HDAC9: variants seen among roughly 807,000 people sequenced by gnomAD.
The protein encoded by HDAC9 is histone deacetylase 9, also known as MEF-2 interacting transcription repressor (MITR) protein.
A neutral mutation model predicts 139.4 loss-of-function variants in HDAC9; 41 were observed. That is an observed-to-expected ratio of 0.29 (90% CI 0.23 to 0.38). The LOEUF (loss-of-function observed/expected upper bound fraction) is 0.38. Among genes scored for constraint, HDAC9 ranks in the 10% least tolerant of loss-of-function variants. The pLI is 1.00. For synonymous variants in HDAC9, 517 were observed against 476.2 expected (o/e 1.09, Z -1.12); for missense variants, 1,147 against 1,297.0 (o/e 0.88, Z 1.78).
At chr7:18,568,026 G>GTA (rs36203178) in intron 2 of HDAC9, among the ~76,000 whole-genome samples, 3,042 of 126,746 alleles carry the variant, frequency 0.024, 81 homozygotes, top group Middle Eastern at 0.041. Context: ...ATATGTATAT[G>GTA]TATATATATA....
intron 2 of HDAC9, among the ~76,000 whole-genome samples, chr7:18,189,405 G>A (rs1790166380): frequency 6.6e-6 from 1 of 152,020 alleles, no homozygotes; most frequent in African/African-American, 2.4e-5. Flanking sequence ...AACCACCATG[G>A]CACATATATA....
intron 2 of HDAC9, among the ~76,000 whole-genome samples, chr7:18,518,519 C>G (rs1029205691): frequency 2.6e-5 from 4 of 152,118 alleles, no homozygotes; most frequent in Non-Finnish European, 1.5e-5. Context: ...GACTAAAAGG[C>G]ATAGATTACA....
intron 16 of HDAC9, 65 bp downstream of exon 16, chr7:18,767,220 T>G (rs1002528709): frequency 7.5e-6 from 7 of 934,772 alleles, no homozygotes; most frequent in Non-Finnish European, 1.1e-5. Flanking sequence ...CTTTTTTGAT[T>G]TATCTATTCA....
At chr7:18,858,573 A>G (rs1014382396) in intron 21 of HDAC9, among the ~76,000 whole-genome samples, 9 of 152,206 alleles carry the variant, frequency 5.9e-5, no homozygotes, top group African/African-American at 1.9e-4. Flanking sequence ...TGGGGACACC[A>G]AAGTAACCAA....
intron 22 of HDAC9, among the ~76,000 whole-genome samples, chr7:18,911,770 G>A (rs1323221524): frequency 6.6e-6 from 1 of 151,782 alleles, no homozygotes; most frequent in Non-Finnish European, 1.5e-5. Context: ...TTATTCAGGA[G>A]CATGTTGTTT....
At chr7:18,620,071 T>TG (rs1220180517) in intron 6 of HDAC9, among the ~76,000 whole-genome samples, 1 of 152,174 alleles carries the variant, frequency 6.6e-6, no homozygotes, top group Admixed American at 6.6e-5. Context: ...GCCTCAGCAC[T>TG]TAACATGCAC....
intron 1 of HDAC9, among the ~76,000 whole-genome samples, chr7:18,094,169 C>T (rs79195309): frequency 0.045 from 6,814 of 152,232 alleles, 195 homozygotes; most frequent in Non-Finnish European, 0.06. Context: ...TATTATTGCT[C>T]CATCTGGGTT....
At chr7:18,984,337 A>T (rs1485607503) in intron 25 of HDAC9, among the ~76,000 whole-genome samples, 4 of 152,158 alleles carry the variant, frequency 2.6e-5, no homozygotes, top group Non-Finnish European at 5.9e-5. Flanking sequence ...GGTGCCACAG[A>T]GTTGAGTAAG....
intron 13 of HDAC9, among the ~76,000 whole-genome samples, chr7:18,742,882 G>T (rs1787586335): frequency 6.6e-6 from 1 of 151,772 alleles, no homozygotes; most frequent in Non-Finnish European, 1.5e-5. Context: ...TCATTCCATT[G>T]TCTTTTTAAT....
chr7:18,883,387 A>G (rs190205791), intron 22 of HDAC9, among the ~76,000 whole-genome samples: 320 of 152,288 alleles, frequency 2.1e-3, no homozygotes, highest in South Asian at 3.9e-3. Flanking sequence ...GATTCAACAT[A>G]GGCAAATCCA....
chr7:18,748,754 A>C (rs999835500), intron 13 of HDAC9, among the ~76,000 whole-genome samples: 1 of 152,218 alleles, frequency 6.6e-6, no homozygotes, highest in African/African-American at 2.4e-5. Flanking sequence ...CATCTTCATC[A>C]CTTTACAGAT....
At chr7:18,976,542 G>A (rs2526639) in intron 25 of HDAC9, among the ~76,000 whole-genome samples, 117,976 of 152,122 alleles carry the variant, frequency 0.78, 45,923 homozygotes, top group African/African-American at 0.83. Context: ...TTTTGGGATA[G>A]GACAGAATTG....
At chr7:18,497,844 G>A (rs1486622386) in intron 2 of HDAC9, among the ~76,000 whole-genome samples, 1 of 152,002 alleles carries the variant, frequency 6.6e-6, no homozygotes, top group East Asian at 1.9e-4. Context: ...AAACATACAT[G>A]CCTTCCAAGT....
chr7:18,539,757 A>G (rs1198363205), intron 2 of HDAC9, among the ~76,000 whole-genome samples: 1 of 152,080 alleles, frequency 6.6e-6, no homozygotes, highest in Non-Finnish European at 1.5e-5. Context: ...GGGTTAGGGT[A>G]CGGGGAGCAT....
intron 22 of HDAC9, among the ~76,000 whole-genome samples, chr7:18,906,141 C>T (rs1436218685): frequency 3.4e-5 from 5 of 145,806 alleles, no homozygotes; most frequent in South Asian, 2.2e-4. Flanking sequence ...TTTTTTTTAA[C>T]GTTATTTTTT....
chr7:18,788,802 C>T (rs1390297787), intron 16 of HDAC9, among the ~76,000 whole-genome samples: 1 of 151,756 alleles, frequency 6.6e-6, no homozygotes, highest in East Asian at 1.9e-4. Context: ...GAAGGCTCAC[C>T]GACCATTTTG....
chr7:18,597,048 T>G (rs1832699738), intron 6 of HDAC9, among the ~76,000 whole-genome samples: 1 of 152,118 alleles, frequency 6.6e-6, no homozygotes, highest in Non-Finnish European at 1.5e-5. Flanking sequence ...AAACCTCATT[T>G]GCCTGCAGAA....
At chr7:18,760,995 G>A (rs1467407532) in intron 14 of HDAC9, among the ~76,000 whole-genome samples, 1 of 152,198 alleles carries the variant, frequency 6.6e-6, no homozygotes, top group South Asian at 2.1e-4. Context: ...CCTTGGTCAG[G>A]AACATGAAAG....
At chr7:18,235,320 A>G (rs1392728798) in intron 2 of HDAC9, among the ~76,000 whole-genome samples, 1 of 152,122 alleles carries the variant, frequency 6.6e-6, no homozygotes, top group African/African-American at 2.4e-5. Context: ...GAGACCCAGT[A>G]TGTCTTATAG....
Sources: allele counts gnomAD v4.1 joint callset (sites outside exome capture counted in the v4.1 genomes callset), GRCh38; gene constraint gnomAD v4.1.1; transcripts MANE v1.5; gene names NCBI Gene and HGNC (gene_info 2026-07-23, HGNC 2026-07-21).